The following TCF4 variants were observed in gnomAD, a reference collection of about 807,000 sequenced individuals.
TCF4 encodes SL3-3 enhancer factor 2.
TCF4 carries 3 observed loss-of-function variants against 82.1 expected under a neutral mutation model. That is an observed-to-expected ratio of 0.04 (90% CI 0.02 to 0.09). TCF4 has a LOEUF of 0.09. TCF4 is among the 10% of genes least tolerant of loss of function. TCF4 has a pLI of 1.00. For missense variants in TCF4, 518 were observed against 852.7 expected (o/e 0.61, Z 4.89); for synonymous variants, 276 against 309.6 (o/e 0.89, Z 1.14).
intron 6 of TCF4, among the ~76,000 whole-genome samples, chr18:55,387,974 C>T (rs1039879942): frequency 1.3e-5 from 2 of 152,162 alleles, no homozygotes; most frequent in Non-Finnish European, 2.9e-5. Flanking sequence ...TGTGTGATGA[C>T]GACCAACCTC....
intron 3 of TCF4, among the ~76,000 whole-genome samples, chr18:55,529,230 A>G (rs1238591529): frequency 6.6e-6 from 1 of 152,176 alleles, no homozygotes; most frequent in East Asian, 1.9e-4. Context: ...GAAAGTATGA[A>G]ACATTTAAAA....
intron 15 of TCF4, among the ~76,000 whole-genome samples, chr18:55,249,539 A>G (rs1422413103): frequency 6.6e-6 from 1 of 152,176 alleles, no homozygotes; most frequent in East Asian, 1.9e-4. Flanking sequence ...GTGATCTTTC[A>G]CTACTGGATA....
intron 5 of TCF4, among the ~76,000 whole-genome samples, chr18:55,449,893 G>T (rs2095592707): frequency 6.6e-6 from 1 of 151,136 alleles, no homozygotes; most frequent in Non-Finnish European, 1.5e-5. Context: ...TCCACGTTCT[G>T]CCAGAATTCA....
chr18:55,441,112 C>A (rs1374589388), intron 5 of TCF4, among the ~76,000 whole-genome samples: 12 of 152,210 alleles, frequency 7.9e-5, no homozygotes, highest in Admixed American at 7.9e-4. Flanking sequence ...TGAAAAGCAT[C>A]ATTTGATGAC....
At chr18:55,336,988 C>A (rs914585630) in intron 8 of TCF4, among the ~76,000 whole-genome samples, 2 of 152,008 alleles carry the variant, frequency 1.3e-5, no homozygotes, top group African/African-American at 2.4e-5. Flanking sequence ...TGGTGATTCT[C>A]GAAATTTTGC....
chr18:55,530,920 ATTT>A (rs1338033983), intron 3 of TCF4, among the ~76,000 whole-genome samples: 1 of 151,622 alleles, frequency 6.6e-6, no homozygotes, highest in Admixed American at 6.6e-5. Flanking sequence ...CAGAGTAGGC[ATTT>A]TCTGGGATAC....
chr18:55,497,990 A>G, intron 3 of TCF4, among the ~76,000 whole-genome samples: 1 of 152,270 alleles, frequency 6.6e-6, no homozygotes, highest in Non-Finnish European at 1.5e-5. Context: ...ACCTACTGAC[A>G]AAAAATAATA....
intron 3 of TCF4, among the ~76,000 whole-genome samples, chr18:55,581,691 T>C (rs1818386924): frequency 6.6e-6 from 1 of 152,034 alleles, no homozygotes; most frequent in South Asian, 2.1e-4. Context: ...CGGACTGATT[T>C]TTTTCCGCCT....
chr18:55,234,557 G>C lies in TCF4; in HGVS notation c.1477C>G (p.Pro493Ala). 6.2e-7 allele frequency: 1 copy of C among 1,614,122 alleles called. No homozygotes were observed. Among genetic ancestry groups the C allele is most frequent in the Non-Finnish European group, 8.5e-7 (1 of 1,180,026 alleles). Reference sequence around the variant, plus strand: ...GGTGAGGCCAACCTACCTCTGTAAGGGTCCTGGGGTGGGTTCAGGTCAGGG... The same window carrying C: ...GGTGAGGCCAACCTACCTCTGTAAGCGTCCTGGGGTGGGTTCAGGTCAGGG... ...TSPDLNPPQD[P>A]YRGMPPGLQG... Residue 493 changes from proline to alanine, a missense_variant, in exon 16 of 20, where the codon CCT (proline) becomes GCT (alanine). By Grantham distance (27) the Pro-to-Ala change is conservative (BLOSUM62 -1). Transcript: ENST00000354452.
At chr18:55,339,948 A>T (rs1448818742) in intron 8 of TCF4, among the ~76,000 whole-genome samples, 1 of 152,184 alleles carries the variant, frequency 6.6e-6, no homozygotes, top group Non-Finnish European at 1.5e-5. Flanking sequence ...AGTCCTAAAC[A>T]AACTGAACTC....
At chr18:55,501,803 G>A (rs1029736547) in intron 3 of TCF4, among the ~76,000 whole-genome samples, 15 of 152,046 alleles carry the variant, frequency 9.9e-5, no homozygotes, top group African/African-American at 3.6e-4. Flanking sequence ...CCCATATCAT[G>A]AAAAGGCAAA....
At chr18:55,418,405 T>G (rs1203827167) in intron 5 of TCF4, among the ~76,000 whole-genome samples, 2 of 152,144 alleles carry the variant, frequency 1.3e-5, no homozygotes, top group East Asian at 3.9e-4. Context: ...TATATTTGCA[T>G]CTCCCTTATT....
chr18:55,580,543 C>T (rs2097565575), intron 3 of TCF4, among the ~76,000 whole-genome samples: 1 of 151,958 alleles, frequency 6.6e-6, no homozygotes, highest in Non-Finnish European at 1.5e-5. Flanking sequence ...TATTTAGTCA[C>T]ATTGATATCT....
At chr18:55,302,453 G>A (rs752283420) in intron 8 of TCF4, 1 of 1,536,254 alleles carries the variant, frequency 6.5e-7, no homozygotes, top group South Asian at 1.2e-5. Flanking sequence ...ACATAGCCCT[G>A]TATCTGAGCA....
At chr18:55,270,151 CAT>C (rs1340235216) in intron 10 of TCF4, among the ~76,000 whole-genome samples, 188 bp from the exon 11 acceptor site, 2 of 152,020 alleles carry the variant, frequency 1.3e-5, no homozygotes, top group South Asian at 4.1e-4. Flanking sequence ...TATACAGAAA[CAT>C]AGCTTGGGTT....
At chr18:55,235,753 C>A (rs150544161) in intron 15 of TCF4, among the ~76,000 whole-genome samples, 1 of 152,130 alleles carries the variant, frequency 6.6e-6, no homozygotes, top group Non-Finnish European at 1.5e-5. Flanking sequence ...TTACACAGGA[C>A]GGTGGGTCTA....
At chr18:55,434,799 T>TGTGTGTA (rs1556349259) in intron 5 of TCF4, among the ~76,000 whole-genome samples, 2 of 151,174 alleles carry the variant, frequency 1.3e-5, no homozygotes, top group Non-Finnish European at 3.0e-5. Context: ...TGTGTGTGTA[T>TGTGTGTA]TTTAATTTTT....
chr18:55,234,790 T>A, intron 15 of TCF4, 107 bp from the exon 16 acceptor site: 1 of 1,550,630 alleles, frequency 6.4e-7, no homozygotes, highest in Non-Finnish European at 8.8e-7. Context: ...AAAACCATAC[T>A]CCCAAACGCG....
At chr18:55,322,521 C>G (rs1253846860) in intron 8 of TCF4, 1 of 977,706 alleles carries the variant, frequency 1.0e-6, no homozygotes, top group Non-Finnish European at 1.2e-6. Flanking sequence ...CAACAACCTA[C>G]AAAACGGGGT....
Sources: gnomAD v4.1 joint callset for allele counts (sites outside exome capture counted in the v4.1 genomes callset) on GRCh38, gnomAD v4.1.1 for gene constraint, MANE v1.5 for transcripts, NCBI Gene and HGNC (gene_info 2026-07-23, HGNC 2026-07-21) for gene names.